STAG1: variants seen among roughly 807,000 people sequenced by gnomAD.
STAG1 encodes the protein cohesin subunit SA-1.
Under a neutral mutation model 170.9 loss-of-function variants are expected in STAG1, and 26 were observed. That is an observed-to-expected ratio of 0.15 (90% CI 0.11 to 0.21). The LOEUF is 0.21. Ranked by LOEUF, STAG1 falls within the 10% of genes least tolerant of loss-of-function variation. The pLI is 1.00. For missense variants in STAG1, 964 were observed against 1,509.5 expected (o/e 0.64, Z 5.99); for synonymous variants, 514 against 497.7 (o/e 1.03, Z -0.44).
intron 4 of STAG1, among the ~76,000 whole-genome samples, chr3:136,600,766 C>T (rs922616523): frequency 6.6e-6 from 1 of 152,182 alleles, no homozygotes; most frequent in Non-Finnish European, 1.5e-5. Flanking sequence ...AACTCCTGAC[C>T]TTCTGATCTG....
At chr3:136,407,844 C>T (rs1347301079) in intron 21 of STAG1, among the ~76,000 whole-genome samples, 3 of 148,980 alleles carry the variant, frequency 2.0e-5, no homozygotes, top group African/African-American at 7.4e-5. Flanking sequence ...TGCAGTGAGC[C>T]GAGATCACGC....
intron 25 of STAG1, 110 bp from the exon 26 acceptor site, chr3:136,363,577 G>A (rs1330729173): frequency 2.1e-6 from 1 of 476,888 alleles, no homozygotes; most frequent in Admixed American, 4.1e-5. Context: ...AAAAGAACAG[G>A]TTGGTTGGTA....
chr3:136,656,617 T>TTATTTGTGTGTGTGTGTGTG (rs375214863), intron 1 of STAG1, among the ~76,000 whole-genome samples: 9 of 143,294 alleles, frequency 6.3e-5, no homozygotes, highest in African/African-American at 2.5e-4. Context: ...CTGTATTTAT[T>TTATTTGTGTGTGTGTGTGTG]TGTGTGTGTG....
At chr3:136,471,572 G>T (rs144155706) in intron 12 of STAG1, among the ~76,000 whole-genome samples, 2 of 152,144 alleles carry the variant, frequency 1.3e-5, no homozygotes, top group Non-Finnish European at 2.9e-5. Context: ...TATTTAGTTC[G>T]TGATAGATGT....
intron 1 of STAG1, among the ~76,000 whole-genome samples, chr3:136,700,174 T>C (rs1943010090): frequency 6.8e-6 from 1 of 148,066 alleles, no homozygotes; most frequent in Middle Eastern, 3.2e-3. Flanking sequence ...TCCCAAATTG[T>C]TTCTTTTTCT....
intron 7 of STAG1, chr3:136,517,911 A>T (rs1934464004): frequency 6.6e-6 from 1 of 152,306 alleles, no homozygotes; most frequent in African/African-American, 2.4e-5. Flanking sequence ...GGATTAAAGA[A>T]AATATAAAAT....
chr3:136,569,447 T>G (rs755559795), intron 4 of STAG1, among the ~76,000 whole-genome samples: 8 of 150,378 alleles, frequency 5.3e-5, no homozygotes, highest in Non-Finnish European at 4.4e-5. Context: ...AAATTAGGGT[T>G]CAATAAAATC....
intron 16 of STAG1, among the ~76,000 whole-genome samples, chr3:136,428,852 C>A (rs1342913113): frequency 2.0e-5 from 3 of 152,082 alleles, no homozygotes; most frequent in Non-Finnish European, 4.4e-5. Context: ...AAATAGACAC[C>A]AGCCAGGAAT....
At chr3:136,723,466 A>T (rs1481131960) in intron 1 of STAG1, among the ~76,000 whole-genome samples, 1 of 146,488 alleles carries the variant, frequency 6.8e-6, no homozygotes, top group Non-Finnish European at 1.5e-5. Flanking sequence ...CAACCGCCCC[A>T]TATGAGAAGT....
At chr3:136,427,247 T>C (rs886431437) in intron 16 of STAG1, among the ~76,000 whole-genome samples, 12 of 151,600 alleles carry the variant, frequency 7.9e-5, no homozygotes, top group Admixed American at 6.6e-4. Context: ...AAAAAAGATA[T>C]AGTATTAATC....
At chr3:136,470,005 A>C (rs1165588043) in intron 12 of STAG1, among the ~76,000 whole-genome samples, 1 of 152,246 alleles carries the variant, frequency 6.6e-6, no homozygotes, top group Non-Finnish European at 1.5e-5. Context: ...TAAAGACTTC[A>C]ATGTTAGACC....
At chr3:136,728,758 CA>C (rs1933832357) in intron 1 of STAG1, among the ~76,000 whole-genome samples, 1 of 152,180 alleles carries the variant, frequency 6.6e-6, no homozygotes, top group South Asian at 2.1e-4. Flanking sequence ...TTACATTAAA[CA>C]GCACTATATC....
At chr3:136,746,050 G>A (rs1232707094) in intron 1 of STAG1, among the ~76,000 whole-genome samples, 1 of 152,128 alleles carries the variant, frequency 6.6e-6, no homozygotes, top group Non-Finnish European at 1.5e-5. Flanking sequence ...GACACTTTCA[G>A]CACTAAAAGG....
intron 1 of STAG1, among the ~76,000 whole-genome samples, chr3:136,705,387 ACACACACACACAC>A (rs1559962287): frequency 3.0e-5 from 1 of 33,822 alleles, no homozygotes; most frequent in Non-Finnish European, 7.4e-5. Flanking sequence ...AAACACACAC[ACACACACACACAC>A]ACACACACAC....
chr3:136,377,809 T>C (rs1190293711), intron 22 of STAG1, 57 bp from the exon 23 acceptor site: 1 of 1,423,316 alleles, frequency 7.0e-7, no homozygotes. Flanking sequence ...AAAACTGATC[T>C]AGAAGAAACA....
chr3:136,359,268 C>A lies in STAG1; in HGVS notation c.2816G>T (p.Gly939Val), dbSNP rs745946457. Residue 939 changes from glycine to valine, a missense_variant, in exon 27 of 34, where the codon GGT becomes GTT. Physicochemically the swap from Gly to Val is moderately radical, Grantham distance 109 (BLOSUM62 -3). Around this residue, in one of 11 missense-constraint regions of STAG1, gnomAD observed 149 missense variants for 301.3 expected, o/e 0.49. Transcript: ENST00000383202. ...QLFNELVQEQ[G>V]PNLDRTSAHV... ...GGCAGATGTCCTATCTAGGTTGGGA[C>A]CTTGCTCTTGAACAAGTTCATTAAA... is the stretch of plus-strand genomic sequence containing the variant. The A allele has an allele frequency of 1.2e-6, 2 of 1,602,866 alleles. No individual in the cohort carries two copies. Among genetic ancestry groups the A allele is most frequent in the Admixed American group, 1.7e-5 (1 of 58,240 alleles).
chr3:136,725,857 T>C (rs1031100825), intron 1 of STAG1, among the ~76,000 whole-genome samples: 2 of 152,322 alleles, frequency 1.3e-5, no homozygotes, highest in Admixed American at 1.3e-4. Flanking sequence ...ATCAGAACAC[T>C]TCATTCCCAG....
chr3:136,392,765 CAAA>C lies in STAG1; in HGVS notation c.2277+5981_2277+5983del, dbSNP rs71157377. 9.4e-3 allele frequency among the ~76,000 whole-genome samples: 877 copies of C among 93,546 alleles called. 9 individuals are homozygous for C. The highest frequency in any genetic ancestry group is 0.03 in the African/African-American group (773 of 25,358). 61.4% of individuals were successfully genotyped at this position (93,546 alleles called of 152,430 possible). A position where few individuals can be genotyped will look rare whatever the true frequency, so the allele number is the denominator to read the frequency against. On this transcript the variant is annotated intron_variant, in intron 22 of 33. Coordinates refer to ENST00000383202, the MANE Select transcript of STAG1 (RefSeq NM_005862.3). ...TGGGTGACAGAGCCAGGCTCCGTCT[CAAA>C]AAAAAAAAAAAAAAAAAGAAAAGAA...
chr3:136,701,616 G>A (rs1469240499), intron 1 of STAG1, among the ~76,000 whole-genome samples: 2 of 152,074 alleles, frequency 1.3e-5, no homozygotes, highest in Admixed American at 1.3e-4. Flanking sequence ...GAATCTCTCT[G>A]AGCATCAATT....
Sources: gnomAD v4.1 joint callset for allele counts (sites outside exome capture counted in the v4.1 genomes callset) on GRCh38, gnomAD v4.1.1 for gene constraint, gnomAD v4.1.1 regional missense constraint, MANE v1.5 for transcripts, NCBI Gene and HGNC (gene_info 2026-07-23, HGNC 2026-07-21) for gene names.